ZNF512B: variants seen among roughly 807,000 people sequenced by gnomAD.
The protein encoded by ZNF512B is zinc finger protein 512B.
In ZNF512B, 22 loss-of-function variants were observed where a neutral mutation model predicts 87.8. The ratio of observed to expected loss-of-function variants is 0.25; its 90% CI spans 0.18 to 0.36. ZNF512B has a LOEUF of 0.36. ZNF512B is among the 10% of genes least tolerant of loss of function. The probability of loss-of-function intolerance (pLI) is 1.00; values close to 1 mark genes in which losing one functional copy is unlikely to be tolerated. For synonymous variants in ZNF512B, 524 were observed against 490.9 expected (o/e 1.07, Z -0.89); for missense variants, 1,060 against 1,231.6 (o/e 0.86, Z 2.09).
chr20:63,960,442 C>T (rs1433491454), intron 16 of ZNF512B, among the ~76,000 whole-genome samples: 1 of 146,928 alleles, frequency 6.8e-6, no homozygotes, highest in Non-Finnish European at 1.5e-5. Flanking sequence ...ACACAGCCTT[C>T]TGGACCAGGC....
At chr20:63,969,580 T>C (rs1442968757) in intron 1 of ZNF512B, among the ~76,000 whole-genome samples, 1 of 138,592 alleles carries the variant, frequency 7.2e-6, no homozygotes, top group Non-Finnish European at 1.6e-5. Context: ...GCAGGGCCGA[T>C]CGCGGGCGCG....
chr20:63,959,865 G>A lies in ZNF512B; in HGVS notation c.*23C>T. On this transcript the variant is annotated 3_prime_UTR_variant, in exon 17 of 17. Coordinates refer to ENST00000369888, the MANE Select transcript of ZNF512B (RefSeq NM_020713.3). ...AGAGGGCGGTGTGGCGGCTGCATGG[G>A]GGCCAGGCCCCACGCACCATGCTCA... 2 of 1,533,090 alleles carry A rather than the reference G, an allele frequency of 1.3e-6. No homozygotes were observed. The highest frequency in any genetic ancestry group is 2.5e-5 in the South Asian group (2 of 78,926). 95.0% of individuals were successfully genotyped at this position (1,533,090 alleles called of 1,614,324 possible).
In ZNF512B at chr20:63,961,758, G is replaced by A. The variant is rs2058854186; in HGVS notation, c.2328+184C>T. 6.6e-6 allele frequency among the ~76,000 whole-genome samples: 1 copy of A among 152,142 alleles called. No individual in the cohort carries two copies. The highest frequency in any genetic ancestry group is 1.5e-5 in the Non-Finnish European group (1 of 68,012). Reference sequence around the variant, plus strand: ...GTTGTCTTGTGGCTGGGGTTGGGGCGAGGGAGGTGTCCTAGGCTGGCCATC... The same window carrying A: ...GTTGTCTTGTGGCTGGGGTTGGGGCAAGGGAGGTGTCCTAGGCTGGCCATC... On this transcript the variant is annotated intron_variant, in intron 15 of 16. Transcript: ENST00000369888. This position sits in a 1 kb window ranked among gnomAD's most constrained non-coding sequence, Gnocchi z 6.4.
intron 13 of ZNF512B, 88 bp from the exon 14 acceptor site, chr20:63,962,462 T>G: frequency 6.4e-7 from 1 of 1,553,960 alleles, no homozygotes; most frequent in Non-Finnish European, 8.7e-7. Flanking sequence ...CAGGCGACAC[T>G]CGCCGCAGAT....
rs1468754684 is a variant in ZNF512B at position 63,957,296 on chromosome 20, A to AGGT, written c.*2589_*2591dup. ...GGGCAGGGGGCGTGCGCTGAGCCAG[A>AGGT]GGTAGATCTGCAGAAAGGGCCCCGA... On this transcript the variant is annotated 3_prime_UTR_variant, in exon 17 of 17. Coordinates refer to ENST00000369888, the MANE Select transcript of ZNF512B (RefSeq NM_020713.3). The AGGT allele has an allele frequency of 6.6e-6, 1 of 152,466 alleles. No homozygotes were observed. The highest frequency in any genetic ancestry group is 1.5e-5 in the Non-Finnish European group (1 of 68,022). The allele number at this position is 152,466 out of a possible 1,614,324, so 9.4% of individuals were successfully genotyped here.
In ZNF512B at chr20:63,964,097, G is replaced by A. The variant is rs771378885; in HGVS notation, c.1454C>T (p.Pro485Leu). 1.9e-5 allele frequency: 31 copies of A among 1,609,660 alleles called. No homozygotes were observed. The highest frequency in any genetic ancestry group is 8.8e-5 in the South Asian group (8 of 90,828). Reference sequence around the variant, plus strand: ...TGGAGCTGGGTGGGCCACAGGGGCCGGTGCCTCCTTGCTGACAGTGATGGG... The same window carrying A: ...TGGAGCTGGGTGGGCCACAGGGGCCAGTGCCTCCTTGCTGACAGTGATGGG... ...AAPITVSKEA[P>L]APVAHPAPGG... Residue 485 changes from proline to leucine, a missense_variant, in exon 8 of 17, where the codon CCG becomes CTG. By Grantham distance (98) the Pro-to-Leu change is moderately conservative. Around this residue, in one of 9 missense-constraint regions of ZNF512B, gnomAD observed 212 missense variants for 207.6 expected, o/e 1.02. Coordinates refer to ENST00000369888, the MANE Select transcript of ZNF512B (RefSeq NM_020713.3).
At position 63,962,575 on chromosome 20, in the gene ZNF512B, G is replaced by A; in HGVS notation, c.2163+12C>T. 1 of 1,601,214 alleles carries A rather than the reference G, an allele frequency of 6.2e-7. No individual in the cohort carries two copies. Among genetic ancestry groups the A allele is most frequent in the Non-Finnish European group, 8.5e-7 (1 of 1,177,842 alleles). On this transcript the variant is annotated intron_variant, in intron 13 of 16. Coordinates refer to ENST00000369888, the MANE Select transcript of ZNF512B (RefSeq NM_020713.3). ...CACGGCGCTGTCCACAGCCCTGGGGGGGGCAGCTCACCCGTGCGGTCTCGG... is the reference window on the plus strand; with the variant it reads ...CACGGCGCTGTCCACAGCCCTGGGGAGGGCAGCTCACCCGTGCGGTCTCGG...
At chr20:63,968,048 T>G in intron 1 of ZNF512B, 96 bp from the exon 2 acceptor site, 1 of 1,465,196 alleles carries the variant, frequency 6.8e-7, no homozygotes, top group Admixed American at 2.0e-5. Context: ...AGGTCCTCTC[T>G]GGTCAGGGAA....
Position 63,964,499 on chromosome 20 carries a change from T to G in ZNF512B, c.1252A>C (p.Thr418Pro). Residue 418 changes from threonine (T) to proline (P), a missense_variant, in exon 6 of 17, where the codon ACA becomes CCA. Thr to Pro is a conservative substitution (Grantham distance 38). Transcript: ENST00000369888. ...GGAGCTCTCATCTTACTGTGCTTTG[T>G]GCGCTCCGGGTCCTCCTCAGGCGGG... ...ASPPEEDPER[T>P]KHRRKQKTPK... 1.2e-6 allele frequency: 2 copies of G among 1,612,962 alleles called. No individual in the cohort carries two copies. Among genetic ancestry groups the G allele is most frequent in the South Asian group, 2.2e-5 (2 of 91,072 alleles).
chr20:63,966,383 C>A lies in ZNF512B; in HGVS notation c.792G>T (p.Val264=), dbSNP rs561940377. The part of the protein sequence containing the change: ...VTKPITVTKS[V]PVTKPVPVTK... ...TGACAGGTACGGGTTTGGTGACCGG[C>A]ACAGACTTGGTGACTGTGATGGGTT... The change falls in exon 5 of 17, where the codon GTG becomes GTT. Residue 264 remains valine, a synonymous_variant. Coordinates refer to ENST00000369888, the MANE Select transcript of ZNF512B (RefSeq NM_020713.3). 6.2e-7 allele frequency: 1 copy of A among 1,613,714 alleles called. No individual in the cohort carries two copies. The highest frequency in any genetic ancestry group is 1.7e-5 in the Admixed American group (1 of 60,000).
intron 5 of ZNF512B, among the ~76,000 whole-genome samples, chr20:63,965,153 A>G (rs1282179687): frequency 3.2e-4 from 3 of 9,260 alleles, no homozygotes; most frequent in Non-Finnish European, 4.0e-4. Flanking sequence ...CCTGACCTGG[A>G]ACGAGCCCCC....
At chr20:63,962,943 C>T in intron 12 of ZNF512B, 152 bp downstream of exon 12, 1 of 1,271,874 alleles carries the variant, frequency 7.9e-7, no homozygotes, top group Non-Finnish European at 1.1e-6. Flanking sequence ...GTTTCACCCT[C>T]CCGCCCACCA....
intron 2 of ZNF512B, 109 bp downstream of exon 2, chr20:63,967,721 T>C: frequency 2.0e-6 from 3 of 1,525,086 alleles, no homozygotes; most frequent in Non-Finnish European, 1.8e-6. Flanking sequence ...TTGGGAACTC[T>C]AGGGGCCTAG....
chr20:63,957,235 G>C lies in ZNF512B; in HGVS notation c.*2653C>G, dbSNP rs1024911365. 1.3e-5 allele frequency: 2 copies of C among 152,634 alleles called. No individual in the cohort carries two copies. Among genetic ancestry groups the C allele is most frequent in the African/African-American group, 4.8e-5 (2 of 41,474 alleles). 9.5% of individuals were successfully genotyped at this position (152,634 alleles called of 1,614,324 possible). A position where few individuals can be genotyped will look rare whatever the true frequency, so the allele number is the denominator to read the frequency against. On this transcript the variant is annotated 3_prime_UTR_variant, in exon 17 of 17. Coordinates refer to ENST00000369888, the MANE Select transcript of ZNF512B (RefSeq NM_020713.3). ...CCCATTTTCGTGTGAGCGTCGGCCC[G>C]GTGAGTCAGCCCTTCCGGGCCCTTT...
chr20:63,964,326 G>A lies in ZNF512B; in HGVS notation c.1327C>T (p.Leu443Phe). ...CACCGGGCTGGGGTCTTACCTTTGAGCCCAAAGGTCCCTGAGATGGATGGC... is the reference window on the plus strand; with the variant it reads ...CACCGGGCTGGGGTCTTACCTTTGAACCCAAAGGTCCCTGAGATGGATGGC... Reference protein sequence around the residue: ...EQPSISGTFGLKGLVKAEDKA... With the variant: ...EQPSISGTFGFKGLVKAEDKA... The change falls in exon 7 of 17, where the codon CTC becomes TTC. Residue 443 changes from leucine (L) to phenylalanine (F), a missense_variant. Leu to Phe is a conservative substitution (Grantham distance 22). This residue lies in a region of ZNF512B where 212 missense variants were observed against 207.6 expected (regional missense o/e 1.02). Transcript: ENST00000369888. 2 of 1,613,906 alleles carry A rather than the reference G, an allele frequency of 1.2e-6. No individual in the cohort carries two copies. Among genetic ancestry groups the A allele is most frequent in the South Asian group, 2.2e-5 (2 of 91,082 alleles).
rs778398826 is a variant in ZNF512B at position 63,966,380 on chromosome 20, C to G, written c.795G>C (p.Pro265=). ...TGGTGACAGGTACGGGTTTGGTGACCGGCACAGACTTGGTGACTGTGATGG... is the reference window on the plus strand; with the variant it reads ...TGGTGACAGGTACGGGTTTGGTGACGGGCACAGACTTGGTGACTGTGATGG... ...TKPITVTKSV[P]VTKPVPVTKP... is the part of the protein sequence containing the mutation. The change falls in exon 5 of 17, where the codon CCG becomes CCC. Residue 265 remains proline (P), a synonymous_variant. Transcript: ENST00000369888. 6.2e-7 allele frequency: 1 copy of G among 1,613,612 alleles called. No homozygotes were observed. The highest frequency in any genetic ancestry group is 8.5e-7 in the Non-Finnish European group (1 of 1,179,858).
chr20:63,963,479 C>T (rs1213005568), intron 10 of ZNF512B, 39 bp from the exon 11 acceptor site: 2 of 1,546,254 alleles, frequency 1.3e-6, no homozygotes. Flanking sequence ...GGCACCATCG[C>T]CACGGAGCCC....
Position 63,960,084 on chromosome 20 carries a change from A to G in ZNF512B, c.2483T>C (p.Leu828Ser), listed in dbSNP as rs2058833262. ...TTTCTTCTTTTCCTTCTTGGGCACC[A>G]ATGAGTCCTGGCTCCTGTGTTTGGG... ...PPPKHRSQDS[L>S]VPKKEKKKNL... The change falls in exon 17 of 17, where the codon TTG (leucine) becomes TCG (serine). Residue 828 changes from leucine to serine, a missense_variant. By Grantham distance (145) the Leu-to-Ser change is moderately radical (BLOSUM62 -2). This residue lies in a region of ZNF512B where 253 missense variants were observed against 259.2 expected (regional missense o/e 0.98). Coordinates refer to ENST00000369888, the MANE Select transcript of ZNF512B (RefSeq NM_020713.3). 6.2e-7 allele frequency: 1 copy of G among 1,613,962 alleles called. No homozygotes were observed. Among genetic ancestry groups the G allele is most frequent in the South Asian group, 1.1e-5 (1 of 91,088 alleles).
At chr20:63,966,095 C>A (rs747888392) in intron 5 of ZNF512B, 46 bp downstream of exon 5, 1 of 648,680 alleles carries the variant, frequency 1.5e-6, no homozygotes, top group East Asian at 2.4e-5. Flanking sequence ...GCCCCCATAC[C>A]TTTTCTTACC....
Sources: gnomAD v4.1 joint callset for allele counts (sites outside exome capture counted in the v4.1 genomes callset) on GRCh38, gnomAD v4.1.1 for gene constraint, gnomAD v4.1.1 regional missense constraint, Gnocchi (gnomAD v3.1) non-coding constraint, MANE v1.5 for transcripts, NCBI Gene and HGNC (gene_info 2026-07-23, HGNC 2026-07-21) for gene names.